HIBADH: variants seen among roughly 807,000 people sequenced by gnomAD.
HIBADH encodes 3-hydroxyisobutyrate dehydrogenase.
A neutral mutation model predicts 36.1 loss-of-function variants in HIBADH; 25 were observed. The ratio of observed to expected loss-of-function variants is 0.69; its 90% CI spans 0.50 to 0.97. The LOEUF (loss-of-function observed/expected upper bound fraction) is 0.97. HIBADH is among the 50% of genes least tolerant of loss of function. HIBADH has a pLI of 0.00. For synonymous variants in HIBADH, 160 were observed against 149.5 expected (o/e 1.07, Z -0.51); for missense variants, 421 against 418.0 (o/e 1.01, Z -0.06).
intron 1 of HIBADH, among the ~76,000 whole-genome samples, chr7:27,654,059 A>G (rs931551099): frequency 1.3e-5 from 2 of 152,158 alleles, no homozygotes; most frequent in Non-Finnish European, 2.9e-5. Flanking sequence ...ATCAATACAA[A>G]TTAAATTTCT....
rs1280753873 is a variant in HIBADH, at chr7:27,548,978, AG to A, written c.485-5879del. Among the ~76,000 whole-genome samples the A allele has an allele frequency of 4.6e-5, 7 of 152,356 alleles. No individual in the cohort carries two copies. In the South Asian group the frequency reaches 1.2e-3, roughly 27 times the overall value. Reference sequence around the variant, plus strand: ...GGCATATAAAAACTGATGAGAATACAGGTATTCTGAATCCATTTGTGAATCT... The same window carrying A: ...GGCATATAAAAACTGATGAGAATACAGTATTCTGAATCCATTTGTGAATCT... On this transcript the variant is annotated intron_variant, in intron 4 of 7. Coordinates refer to ENST00000265395, the MANE Select transcript of HIBADH (RefSeq NM_152740.4).
intron 4 of HIBADH, among the ~76,000 whole-genome samples, chr7:27,616,810 A>T (rs58372897): frequency 0.039 from 5,911 of 151,222 alleles, 303 homozygotes; most frequent in African/African-American, 0.12. Context: ...AAAAAAAAAA[A>T]TTTTTAATTA....
intron 2 of HIBADH, among the ~76,000 whole-genome samples, chr7:27,645,061 G>A (rs1055199554): frequency 6.6e-6 from 1 of 152,066 alleles, no homozygotes; most frequent in Non-Finnish European, 1.5e-5. Flanking sequence ...CATTCTATCC[G>A]CTGATAGATT....
chr7:27,629,222 A>C, intron 4 of HIBADH, 149 bp downstream of exon 4: 1 of 646,042 alleles, frequency 1.5e-6, no homozygotes, highest in East Asian at 2.8e-5. Context: ...TGAGAGTACT[A>C]AATAACGTAT....
At chr7:27,555,302 CTTTTT>C (rs3072856) in intron 4 of HIBADH, among the ~76,000 whole-genome samples, 6 of 127,434 alleles carry the variant, frequency 4.7e-5, no homozygotes, top group Non-Finnish European at 8.0e-5. Context: ...TCTTGCTCTA[CTTTTT>C]TTTTTTTTTT....
chr7:27,566,244 A>G (rs1487570011), intron 4 of HIBADH, among the ~76,000 whole-genome samples: 2 of 152,118 alleles, frequency 1.3e-5, no homozygotes, highest in Non-Finnish European at 2.9e-5. Context: ...ATTTCTTTAA[A>G]TAAGAAGAAA....
Position 27,526,382 on chromosome 7 carries a change from A to G in HIBADH, c.853-10T>C, listed in dbSNP as rs1335268091. Reference sequence around the variant, plus strand: ...GTGCCAATCCCAGATCCTAAATCAAACAGGAGGAGAGAACACGCTGAGACT... The same window carrying G: ...GTGCCAATCCCAGATCCTAAATCAAGCAGGAGGAGAGAACACGCTGAGACT... On this transcript the variant is annotated splice_polypyrimidine_tract_variant and intron_variant, in intron 7 of 7. Coordinates refer to ENST00000265395, the MANE Select transcript of HIBADH (RefSeq NM_152740.4). 1 of 1,606,572 alleles carries G rather than the reference A, an allele frequency of 6.2e-7. No individual in the cohort carries two copies. The highest frequency in any genetic ancestry group is 8.5e-7 in the Non-Finnish European group (1 of 1,176,478).
chr7:27,539,681 A>C (rs1264571505), intron 5 of HIBADH, among the ~76,000 whole-genome samples: 1 of 152,142 alleles, frequency 6.6e-6, no homozygotes, highest in Non-Finnish European at 1.5e-5. Context: ...TGAGGGGGTT[A>C]GGGGTGCCAA....
intron 4 of HIBADH, among the ~76,000 whole-genome samples, chr7:27,606,582 T>C (rs1169413230): frequency 1.3e-5 from 2 of 152,252 alleles, no homozygotes; most frequent in African/African-American, 4.8e-5. Flanking sequence ...AGCTTTTTCA[T>C]TTAATGGCTT....
chr7:27,635,100 G>A (rs1186628875), intron 2 of HIBADH, among the ~76,000 whole-genome samples: 1 of 151,784 alleles, frequency 6.6e-6, no homozygotes, highest in African/African-American at 2.4e-5. Context: ...GTGTGTGTGT[G>A]TGTGTGTGTG....
chr7:27,598,920 C>A (rs1785076063), intron 4 of HIBADH, among the ~76,000 whole-genome samples: 1 of 151,746 alleles, frequency 6.6e-6, no homozygotes, highest in African/African-American at 2.4e-5. Flanking sequence ...ACAAGGACTT[C>A]TTTCCCATAC....
intron 5 of HIBADH, among the ~76,000 whole-genome samples, chr7:27,542,441 T>G (rs987159100): frequency 9.3e-5 from 6 of 64,408 alleles, no homozygotes; most frequent in African/African-American, 2.7e-4. Context: ...TTTTCCCGTT[T>G]TTTTTTTTTT....
Position 27,593,155 on chromosome 7 carries a change from C to A in HIBADH, c.484+36216G>T, listed in dbSNP as rs73282830. On this transcript the variant is annotated intron_variant, in intron 4 of 7. Transcript: ENST00000265395. ...TATGATTAATACAGGTTGAAAGGAT[C>A]CCCAGTCCAAAAATCTGAAATCCGA... 4.8e-3 allele frequency among the ~76,000 whole-genome samples: 728 copies of A among 152,206 alleles called. 5 individuals are homozygous for A. Among genetic ancestry groups the A allele is most frequent in the African/African-American group, 0.017 (701 of 41,538 alleles).
Position 27,660,664 on chromosome 7 carries a change from G to GAA in HIBADH, c.91+2032_91+2033dup, listed in dbSNP as rs70974491. On this transcript the variant is annotated intron_variant, in intron 1 of 7. Transcript: ENST00000265395. ...TGGGCGACAGACAAAGACTCCGAGG[G>GAA]AAAAAAAAAAATTTTTTTCAAGAGA... Among the ~76,000 whole-genome samples, 8 of 147,718 alleles carry GAA rather than the reference G, an allele frequency of 5.4e-5. 1 individual carries two copies. The highest frequency in any genetic ancestry group is 2.0e-4 in the Admixed American group (3 of 14,920).
intron 2 of HIBADH, among the ~76,000 whole-genome samples, chr7:27,634,655 G>A (rs10951176): frequency 0.59 from 89,891 of 152,054 alleles, 26,864 homozygotes; most frequent in East Asian, 0.94. Flanking sequence ...ACATCAGTAA[G>A]ACCTGAGGTC....
intron 4 of HIBADH, among the ~76,000 whole-genome samples, chr7:27,589,330 CA>C: frequency 1.3e-5 from 2 of 152,148 alleles, no homozygotes; most frequent in South Asian, 4.2e-4. Context: ...AATCTTTATA[CA>C]TAAGTAGAAA....
intron 3 of HIBADH, among the ~76,000 whole-genome samples, chr7:27,630,165 C>T (rs528568234): frequency 6.6e-6 from 1 of 152,246 alleles, no homozygotes; most frequent in African/African-American, 2.4e-5. Context: ...AGCTAGGAAA[C>T]TCTAACCTAA....
At chr7:27,601,834 T>TA (rs1021827315) in intron 4 of HIBADH, among the ~76,000 whole-genome samples, 3 of 152,128 alleles carry the variant, frequency 2.0e-5, no homozygotes, top group Admixed American at 2.0e-4. Flanking sequence ...AAACCAAAAA[T>TA]AAAATTACTT....
rs181035609 is a variant in HIBADH at position 27,540,969 on chromosome 7, T to A, written c.618+1998A>T. 2.0e-5 allele frequency among the ~76,000 whole-genome samples: 3 copies of A among 152,318 alleles called. No homozygotes were observed. In the East Asian group the frequency reaches 5.8e-4, roughly 29 times the overall value. On this transcript the variant is annotated intron_variant, in intron 5 of 7. Coordinates refer to ENST00000265395, the MANE Select transcript of HIBADH (RefSeq NM_152740.4). The stretch of plus-strand genomic sequence containing the variant: ...CCAAAAGACAGGCAGCTGGTATTTA[T>A]CTTTTCACTTAAAGCCTCAGAAGTT...
Sources: allele counts gnomAD v4.1 joint callset (sites outside exome capture counted in the v4.1 genomes callset), GRCh38; gene constraint gnomAD v4.1.1; transcripts MANE v1.5; gene names NCBI Gene and HGNC (gene_info 2026-07-23, HGNC 2026-07-21).